Variants in MAMDC2 observed in about 807,000 individuals in gnomAD.
The protein encoded by MAMDC2 is MAM domain-containing protein 2.
In MAMDC2, 57 loss-of-function variants were observed where a neutral mutation model predicts 89.8. That is an observed-to-expected ratio of 0.63 (90% CI 0.51 to 0.79). The LOEUF is 0.79. MAMDC2 is among the 30% of genes least tolerant of loss of function. The probability of loss-of-function intolerance (pLI) is 0.00; values close to 1 mark genes in which losing one functional copy is unlikely to be tolerated. For missense variants in MAMDC2, 800 were observed against 820.6 expected, an observed-to-expected ratio of 0.97 and a Z score of 0.31; for synonymous variants, 313 against 293.4, an observed-to-expected ratio of 1.07 and a Z score of -0.68.
rs973885171 is a variant in MAMDC2, at chr9:70,097,971, T to A, written c.149-10240T>A. On this transcript the variant is annotated intron_variant, in intron 2 of 13. Transcript: ENST00000377182. ...AACATGCACTGAAAAGACATATGCC[T>A]TGCGAAACTCCATGGGGAAACCCTT... Among the ~76,000 whole-genome samples the A allele has an allele frequency of 6.6e-4, 100 of 152,146 alleles. 1 individual carries two copies. The highest frequency in any genetic ancestry group is 3.2e-4 in the Non-Finnish European group (22 of 68,034).
intron 11 of MAMDC2, among the ~76,000 whole-genome samples, chr9:70,204,019 G>C (rs2033163684): frequency 6.7e-6 from 1 of 149,470 alleles, no homozygotes; most frequent in Non-Finnish European, 1.5e-5. Context: ...CCGTAGCTCA[G>C]AGTAATTTGA....
At chr9:70,051,554 C>T (rs905919832) in intron 2 of MAMDC2, among the ~76,000 whole-genome samples, 1 of 152,096 alleles carries the variant, frequency 6.6e-6, no homozygotes, top group Non-Finnish European at 1.5e-5. Context: ...ATAACAGAAC[C>T]TCTTTGGTAG....
intron 2 of MAMDC2, among the ~76,000 whole-genome samples, chr9:70,069,820 T>G (rs948348430): frequency 6.6e-6 from 1 of 152,210 alleles, no homozygotes; most frequent in South Asian, 2.1e-4. Flanking sequence ...CAGAAACATT[T>G]GTTCTTTTGG....
At chr9:70,134,841 GC>G (rs1376361233) in intron 7 of MAMDC2, among the ~76,000 whole-genome samples, 2 of 152,168 alleles carry the variant, frequency 1.3e-5, no homozygotes, top group African/African-American at 4.8e-5. Flanking sequence ...TCCTACCCAA[GC>G]CAGCTTTGAG....
At chr9:70,121,266 G>A (rs765448745) in intron 5 of MAMDC2, among the ~76,000 whole-genome samples, 1 of 152,232 alleles carries the variant, frequency 6.6e-6, no homozygotes, top group African/African-American at 2.4e-5. Flanking sequence ...AATACAGAGG[G>A]CTGCTGCAAG....
chr9:70,122,174 G>A (rs2030314856), intron 5 of MAMDC2, among the ~76,000 whole-genome samples: 1 of 152,246 alleles, frequency 6.6e-6, no homozygotes, highest in Admixed American at 6.5e-5. Context: ...ACAAGAGCAT[G>A]CGGTCTAGTC....
chr9:70,163,639 G>A (rs989866475), intron 9 of MAMDC2, among the ~76,000 whole-genome samples: 37 of 151,878 alleles, frequency 2.4e-4, no homozygotes, highest in Non-Finnish European at 4.9e-4. Flanking sequence ...TAAATAGGTT[G>A]AAATCGACTG....
At chr9:70,137,286 T>G (rs1487401278) in intron 7 of MAMDC2, among the ~76,000 whole-genome samples, 1 of 152,232 alleles carries the variant, frequency 6.6e-6, no homozygotes. Context: ...CATGTTTGCT[T>G]TATCTACCAT....
At chr9:70,133,123 T>C (rs1358126673) in intron 7 of MAMDC2, among the ~76,000 whole-genome samples, 1 of 152,214 alleles carries the variant, frequency 6.6e-6, no homozygotes, top group Middle Eastern at 3.2e-3. Flanking sequence ...TTATAATCTC[T>C]TTATCATTAT....
intron 2 of MAMDC2, among the ~76,000 whole-genome samples, chr9:70,107,380 G>C (rs1217773948): frequency 6.6e-6 from 1 of 152,138 alleles, no homozygotes; most frequent in East Asian, 1.9e-4. Flanking sequence ...GGAGGAGAAG[G>C]ACGGGGAAAG....
chr9:70,170,632 G>A lies in MAMDC2; in HGVS notation c.1651+1G>A. 1.9e-6 allele frequency: 3 copies of A among 1,590,722 alleles called. No individual in the cohort carries two copies. Among genetic ancestry groups the A allele is most frequent in the Non-Finnish European group, 2.6e-6 (3 of 1,171,126 alleles). On this transcript the variant is annotated splice_donor_variant, in intron 11 of 13. Coordinates refer to ENST00000377182, the MANE Select transcript of MAMDC2 (RefSeq NM_153267.5). LOFTEE classifies it high-confidence loss of function. ...AAGGGAGATCACACTACTGGGGTAGGTGAGTTATGCCACGTGGTGCTGTTT... is the reference window on the plus strand; with the variant it reads ...AAGGGAGATCACACTACTGGGGTAGATGAGTTATGCCACGTGGTGCTGTTT...
At chr9:70,136,360 C>T (rs2148861) in intron 7 of MAMDC2, among the ~76,000 whole-genome samples, 97,281 of 152,032 alleles carry the variant, frequency 0.64, 31,769 homozygotes, top group Admixed American at 0.7. Context: ...TATCATTTTG[C>T]GGCTTGATAG....
chr9:70,118,240 G>A (rs1214053167), intron 5 of MAMDC2, among the ~76,000 whole-genome samples: 1 of 150,344 alleles, frequency 6.7e-6, no homozygotes, highest in Non-Finnish European at 1.5e-5. Flanking sequence ...TTCACTCCAA[G>A]TTCTCTTCAA....
chr9:70,107,493 C>T (rs1239164733), intron 2 of MAMDC2, among the ~76,000 whole-genome samples: 1 of 152,056 alleles, frequency 6.6e-6, no homozygotes, highest in African/African-American at 2.4e-5. Context: ...ATTGCTAGTC[C>T]CAGAGTGTCC....
intron 11 of MAMDC2, among the ~76,000 whole-genome samples, chr9:70,215,395 T>C (rs750328570): frequency 6.6e-6 from 1 of 152,236 alleles, no homozygotes; most frequent in African/African-American, 2.4e-5. Flanking sequence ...TTGGCAGCTA[T>C]GCCATTTCCC....
chr9:70,110,035 T>C lies in MAMDC2; in HGVS notation c.505+231T>C, dbSNP rs989294009. On this transcript the variant is annotated intron_variant, in intron 4 of 13. Transcript: ENST00000377182. ...GTACAGTCTGGATTAATGAAAGAAA[T>C]ATAGATGCAGGAACTGTAACTTCAG... 2.6e-5 allele frequency among the ~76,000 whole-genome samples: 4 copies of C among 152,208 alleles called. No individual in the cohort carries two copies. The East Asian group carries it at 7.7e-4, about 29-fold the overall frequency.
Position 70,044,096 on chromosome 9 carries a change from C to G in MAMDC2, c.-102C>G. On this transcript the variant is annotated 5_prime_UTR_variant, in exon 1 of 14. Transcript: ENST00000377182. ...CTCTCGACTTCTCCCTCCTTGGGTC[C>G]CCGGCGCCCCCGCCTCCCACGATCC... 7.0e-7 allele frequency: 1 copy of G among 1,422,768 alleles called. No homozygotes were observed. The highest frequency in any genetic ancestry group is 2.3e-5 in the East Asian group (1 of 43,554). The allele number at this position is 1,422,768 out of a possible 1,614,324, so 88.1% of individuals were successfully genotyped here.
At chr9:70,045,830 G>A (rs1826736762) in intron 2 of MAMDC2, among the ~76,000 whole-genome samples, 1 of 152,216 alleles carries the variant, frequency 6.6e-6, no homozygotes, top group African/African-American at 2.4e-5. Flanking sequence ...GGCTAACTCT[G>A]AGTGTCTAGT....
chr9:70,059,461 C>T (rs1038424857), intron 2 of MAMDC2, among the ~76,000 whole-genome samples: 2 of 152,148 alleles, frequency 1.3e-5, no homozygotes, highest in Non-Finnish European at 2.9e-5. Context: ...TATTATCCTT[C>T]GTGTTAAGCT....
Sources: gnomAD v4.1 joint callset for allele counts (sites outside exome capture counted in the v4.1 genomes callset) on GRCh38, gnomAD v4.1.1 for gene constraint, MANE v1.5 for transcripts, NCBI Gene and HGNC (gene_info 2026-07-23, HGNC 2026-07-21) for gene names.